The following NKTR variants were observed in gnomAD, a reference collection of about 807,000 sequenced individuals.
The protein encoded by NKTR is NK-tumor recognition protein.
In NKTR, 67 loss-of-function variants were observed where a neutral mutation model predicts 156.3. That is an observed-to-expected ratio of 0.43 (90% CI 0.35 to 0.53). The LOEUF (loss-of-function observed/expected upper bound fraction) is 0.53, where lower values mean the gene tolerates loss of function less well. Ranked by LOEUF, NKTR falls within the 20% of genes least tolerant of loss-of-function variation. The probability of loss-of-function intolerance (pLI) is 0.01; values close to 1 mark genes in which losing one functional copy is unlikely to be tolerated. For missense variants in NKTR, 1,604 were observed against 1,730.9 expected, an observed-to-expected ratio of 0.93 and a Z score of 1.30; for synonymous variants, 640 against 596.6, an observed-to-expected ratio of 1.07 and a Z score of -1.06.
In NKTR at chr3:42,639,058, A is replaced by C. The variant is rs757896558; in HGVS notation, c.3354A>C (p.Gly1118=). The C allele has an allele frequency of 1.2e-6, 2 of 1,614,042 alleles. No homozygotes were observed. Among genetic ancestry groups the C allele is most frequent in the African/African-American group, 1.3e-5 (1 of 74,974 alleles). ...IQHVEESVPN[G]VEDVLQTDDN... ...ACGTTGAAGAAAGTGTTCCCAATGG[A>C]GTGGAAGATGTGCTTCAAACAGATG... is the stretch of plus-strand genomic sequence containing the variant. The change falls in exon 13 of 17, where the codon GGA becomes GGC. Residue 1118 remains glycine, a synonymous_variant. Coordinates refer to ENST00000232978, the MANE Select transcript of NKTR (RefSeq NM_005385.4).
chr3:42,638,688 A>G lies in NKTR; in HGVS notation c.2984A>G (p.Glu995Gly), dbSNP rs1709632456. The part of the protein sequence containing the change: ...LKREHTKKVK[E>G]KLKGKKDKKH... The stretch of plus-strand genomic sequence containing the variant: ...AGAGAACACACCAAAAAAGTGAAAG[A>G]GAAATTGAAAGGGAAAAAAGACAAA... Residue 995 changes from glutamate to glycine, a missense_variant, in exon 13 of 17, where the codon GAG (glutamate) becomes GGG (glycine). Around this residue, in one of 6 missense-constraint regions of NKTR, gnomAD observed 1,255 missense variants for 1,243.7 expected, o/e 1.01. Transcript: ENST00000232978. 18 of 1,611,878 alleles carry G rather than the reference A, an allele frequency of 1.1e-5. No individual in the cohort carries two copies. Among genetic ancestry groups the G allele is most frequent in the Non-Finnish European group, 1.5e-5 (18 of 1,179,590 alleles).
chr3:42,614,564 G>A (rs559090249), intron 2 of NKTR, among the ~76,000 whole-genome samples: 162 of 152,006 alleles, frequency 1.1e-3, no homozygotes, highest in Non-Finnish European at 1.8e-3. Flanking sequence ...TTGAAAACCT[G>A]TTAATCTTGC....
rs1457200654 is a variant in NKTR at position 42,638,419 on chromosome 3, A to G, written c.2715A>G (p.Pro905=). ...VTKNSKNDSH[P]SSDKEEGEAT... is the part of the protein sequence containing the mutation. ...AAAACAGTAAAAATGACTCCCATCC[A>G]TCCTCTGACAAGGAAGAAGGTGAGG... is the stretch of plus-strand genomic sequence containing the variant. The change falls in exon 13 of 17, where the codon CCA becomes CCG. Residue 905 remains proline, a synonymous_variant. Coordinates refer to ENST00000232978, the MANE Select transcript of NKTR (RefSeq NM_005385.4). 5 of 1,613,636 alleles carry G rather than the reference A, an allele frequency of 3.1e-6. No individual in the cohort carries two copies. The highest frequency in any genetic ancestry group is 8.5e-7 in the Non-Finnish European group (1 of 1,179,872).
In NKTR at chr3:42,637,992, G is replaced by A. The variant is rs1709569280; in HGVS notation, c.2288G>A (p.Gly763Glu). 6.2e-7 allele frequency: 1 copy of A among 1,613,460 alleles called. No individual in the cohort carries two copies. The highest frequency in any genetic ancestry group is 8.5e-7 in the Non-Finnish European group (1 of 1,179,850). ...GCTAAGAGGAGACTTAGATCCAGTG[G>A]GAAAAAAAATAGCGTTTCACATAAA... ...RRAKRRLRSSGKKNSVSHKKH... is the reference protein window; with the variant it reads ...RRAKRRLRSSEKKNSVSHKKH... Residue 763 changes from glycine to glutamate, a missense_variant, in exon 13 of 17, where the codon GGG becomes GAG. Physicochemically the swap from Gly to Glu is moderately conservative, Grantham distance 98. This residue lies in a region of NKTR where 1,255 missense variants were observed against 1,243.7 expected (regional missense o/e 1.01). Transcript: ENST00000232978.
intron 2 of NKTR, among the ~76,000 whole-genome samples, chr3:42,616,235 C>A (rs1175243780): frequency 1.3e-5 from 2 of 151,870 alleles, no homozygotes; most frequent in South Asian, 4.2e-4. Flanking sequence ...TTCTGTAAGT[C>A]CTTTTGAATA....
At position 42,632,732 on chromosome 3, in the gene NKTR, A is replaced by T; in HGVS notation, c.682A>T (p.Arg228Trp). 2 of 1,613,608 alleles carry T rather than the reference A, an allele frequency of 1.2e-6. No homozygotes were observed. Among genetic ancestry groups the T allele is most frequent in the Non-Finnish European group, 1.7e-6 (2 of 1,179,892 alleles). ...HERSRRRKHK[R>W]RPKVKRSKKR... ...GAGAAGCAGAAGGAGGAAACATAAG[A>T]GGAGGCCAAAAGTTAAACGTTCTAA... The change falls in exon 9 of 17, where the codon AGG becomes TGG. Residue 228 changes from arginine (R) to tryptophan (W), a missense_variant. Coordinates refer to ENST00000232978, the MANE Select transcript of NKTR (RefSeq NM_005385.4).
chr3:42,639,275 G>A lies in NKTR; in HGVS notation c.3571G>A (p.Val1191Met). The change falls in exon 13 of 17, where the codon GTG (valine) becomes ATG (methionine). Residue 1191 changes from valine to methionine, a missense_variant. By Grantham distance (21) the Val-to-Met change is conservative (BLOSUM62 1). Around this residue, in one of 6 missense-constraint regions of NKTR, gnomAD observed 1,255 missense variants for 1,243.7 expected, o/e 1.01. Transcript: ENST00000232978. ...SMSESKVLGE[V>M]GKQDSSSASL... ...GTCCGAAAGTAAAGTGTTGGGTGAA[G>A]TGGGGAAACAGGACAGCAGCTCTGC... 6.2e-7 allele frequency: 1 copy of A among 1,614,224 alleles called. No homozygotes were observed. Among genetic ancestry groups the A allele is most frequent in the South Asian group, 1.1e-5 (1 of 91,092 alleles).
chr3:42,611,472 G>A (rs1391740752), intron 2 of NKTR, among the ~76,000 whole-genome samples: 2 of 152,054 alleles, frequency 1.3e-5, no homozygotes, highest in Admixed American at 6.6e-5. Context: ...GGGCATGGTG[G>A]CCTGTAATCC....
At chr3:42,619,943 A>G in intron 5 of NKTR, 1 of 1,493,840 alleles carries the variant, frequency 6.7e-7, no homozygotes. Flanking sequence ...TTCAGCATGG[A>G]GGTTAGGCAA....
rs141414481 is a variant in NKTR, at chr3:42,605,355, G to C, written c.58+4291G>C. Among the ~76,000 whole-genome samples the C allele has an allele frequency of 2.0e-3, 312 of 152,262 alleles. 4 individuals carry two copies. The highest frequency in any genetic ancestry group is 7.4e-3 in the African/African-American group (309 of 41,558). On this transcript the variant is annotated intron_variant, in intron 2 of 16. Coordinates refer to ENST00000232978, the MANE Select transcript of NKTR (RefSeq NM_005385.4). ...CATTTAATATAATTAGTTATGTTTA[G>C]ATTTGCTTTACTGCTTAAGATTCAT... is the stretch of plus-strand genomic sequence containing the variant.
intron 8 of NKTR, among the ~76,000 whole-genome samples, chr3:42,631,863 A>G (rs557549882): frequency 6.6e-6 from 1 of 152,122 alleles, no homozygotes; most frequent in South Asian, 2.1e-4. Flanking sequence ...TTTTTCAGAC[A>G]TGCCAACCAC....
At chr3:42,621,931 A>G (rs921771423) in intron 6 of NKTR, among the ~76,000 whole-genome samples, 1 of 151,850 alleles carries the variant, frequency 6.6e-6, no homozygotes, top group Non-Finnish European at 1.5e-5. Flanking sequence ...AAACCATTGC[A>G]TGGTTGTTTT....
intron 12 of NKTR, 137 bp from the exon 13 acceptor site, chr3:42,636,731 T>C: frequency 8.0e-7 from 1 of 1,247,586 alleles, no homozygotes; most frequent in Non-Finnish European, 1.1e-6. Flanking sequence ...AGACCAGGCC[T>C]ATAACTCTGA....
chr3:42,631,380 C>T, intron 8 of NKTR, 64 bp downstream of exon 8: 1 of 1,572,870 alleles, frequency 6.4e-7, no homozygotes, highest in Non-Finnish European at 8.6e-7. Context: ...AAGACTGTAA[C>T]TAGATTTGAT....
chr3:42,647,232 T>C lies in NKTR; in HGVS notation c.*1257T>C, dbSNP rs1377461312. On this transcript the variant is annotated 3_prime_UTR_variant, in exon 17 of 17. Transcript: ENST00000232978. ...AATTACATATTTTCATGGCTTTGGG[T>C]GGTTCCTCCAAAAATAATTGGACCT... The C allele has an allele frequency of 6.8e-6, 1 of 146,992 alleles. No individual in the cohort carries two copies. The highest frequency in any genetic ancestry group is 6.9e-5 in the Admixed American group (1 of 14,554). The allele number at this position is 146,992 out of a possible 1,614,324, so 9.1% of individuals were successfully genotyped here. A position where few individuals can be genotyped will look rare whatever the true frequency, so the allele number is the denominator to read the frequency against.
At chr3:42,626,494 T>C (rs182793767) in intron 6 of NKTR, among the ~76,000 whole-genome samples, 4 of 152,240 alleles carry the variant, frequency 2.6e-5, no homozygotes, top group Admixed American at 2.0e-4. Flanking sequence ...GCACTTACGC[T>C]TTCATCTCTC....
chr3:42,609,170 C>A (rs932337359), intron 2 of NKTR, among the ~76,000 whole-genome samples: 1 of 151,608 alleles, frequency 6.6e-6, no homozygotes, highest in Non-Finnish European at 1.5e-5. Flanking sequence ...ACAAAAGATG[C>A]TCCTATCAGT....
At chr3:42,640,168 A>G (rs1709762248) in intron 13 of NKTR, among the ~76,000 whole-genome samples, 1 of 152,238 alleles carries the variant, frequency 6.6e-6, no homozygotes, top group African/African-American at 2.4e-5. Context: ...AGACAAAGTT[A>G]CCTGCCCAAG....
intron 2 of NKTR, among the ~76,000 whole-genome samples, chr3:42,606,255 A>C (rs1195762102): frequency 1.3e-5 from 2 of 151,904 alleles, no homozygotes; most frequent in Non-Finnish European, 2.9e-5. Context: ...TGTCCCCCCC[A>C]GTTCCCATTT....
Sources: allele counts gnomAD v4.1 joint callset (sites outside exome capture counted in the v4.1 genomes callset), GRCh38; gene constraint gnomAD v4.1.1; regional missense constraint gnomAD v4.1.1; transcripts MANE v1.5; gene names NCBI Gene and HGNC (gene_info 2026-07-23, HGNC 2026-07-21).